MYBBP1A: variants seen among roughly 807,000 people sequenced by gnomAD.
The protein encoded by MYBBP1A is myb-binding protein 1A.
A neutral mutation model predicts 136.3 loss-of-function variants in MYBBP1A; 147 were observed. The observed-to-expected ratio is 1.08, with a 90% CI of 0.94 to 1.24. The LOEUF is 1.24. Ranked by LOEUF, MYBBP1A falls within the 50% of genes most tolerant of loss-of-function variation. The pLI, the probability that MYBBP1A is intolerant of heterozygous loss-of-function variation, is 0.00. For synonymous variants in MYBBP1A, 947 were observed against 735.8 expected (o/e 1.29, Z -4.65); for missense variants, 2,060 against 1,727.4 (o/e 1.19, Z -3.41).
At chr17:4,551,817 T>C (rs1907528935) in intron 8 of MYBBP1A, 63 bp downstream of exon 8, 1 of 1,474,534 alleles carries the variant, frequency 6.8e-7, no homozygotes, top group Non-Finnish European at 9.4e-7. Context: ...GCTCCCCTTT[T>C]TGGCAGGGAG....
At chr17:4,553,307 G>A (rs1416198596) in intron 5 of MYBBP1A, among the ~76,000 whole-genome samples, 1 of 152,170 alleles carries the variant, frequency 6.6e-6, no homozygotes. Flanking sequence ...TGACAAAAGG[G>A]CCTAGGGTGC....
rs1906621272 is a variant in MYBBP1A at position 4,543,105 on chromosome 17, C to T, written c.2700G>A (p.Leu900=). 3 of 1,612,822 alleles carry T rather than the reference C, an allele frequency of 1.9e-6. No homozygotes were observed. Among genetic ancestry groups the T allele is most frequent in the Non-Finnish European group, 2.5e-6 (3 of 1,179,758 alleles). The change falls in exon 20 of 26, where the codon CTG becomes CTA. Residue 900 remains leucine, a synonymous_variant. Coordinates refer to ENST00000254718, the MANE Select transcript of MYBBP1A (RefSeq NM_014520.4). ...CHDLGERAGA[L]HAQVERLVQQ... ...GCACCAACCGCTCCACCTGGGCGTG[C>T]AGGGCCCCTGCGCGCTCACCCAAGT...
chr17:4,552,250 C>T lies in MYBBP1A; in HGVS notation c.780G>A (p.Lys260=), dbSNP rs758734412. The change falls in exon 7 of 26, where the codon AAG becomes AAA. Residue 260 remains lysine (K), a synonymous_variant. Coordinates refer to ENST00000254718, the MANE Select transcript of MYBBP1A (RefSeq NM_014520.4). The surrounding 1 kb of genome is among the most constrained non-coding windows in gnomAD (Gnocchi z 4.7). The part of the protein sequence containing the change: ...VLKMAASSVK[K]DRKLPAIALD... ...GAGCAATGGCGGGCAGCTTGCGGTC[C>T]TTCTTCACAGAGGAGGCGGCCATCT... The T allele has an allele frequency of 9.9e-6, 16 of 1,614,100 alleles. No homozygotes were observed. Among genetic ancestry groups the T allele is most frequent in the East Asian group, 2.2e-5 (1 of 44,902 alleles).
In MYBBP1A at chr17:4,552,200, T is replaced by C. The variant is rs1907581466; in HGVS notation, c.830A>G (p.Lys277Arg). 1 of 1,614,234 alleles carries C rather than the reference T, an allele frequency of 6.2e-7. No homozygotes were observed. Among genetic ancestry groups the C allele is most frequent in the African/African-American group, 1.3e-5 (1 of 75,064 alleles). Reference protein sequence around the residue: ...IALDLLRLALKEDKFPRFWKE... With the variant: ...IALDLLRLALREDKFPRFWKE... ...CCAGAACCGTGGGAACTTGTCTTCCTTGAGTGCCAGGCGGAGCAGGTCCAG... is the reference window on the plus strand; with the variant it reads ...CCAGAACCGTGGGAACTTGTCTTCCCTGAGTGCCAGGCGGAGCAGGTCCAG... The change falls in exon 7 of 26, where the codon AAG becomes AGG. Residue 277 changes from lysine to arginine, a missense_variant. Physicochemically the swap from Lys to Arg is conservative, Grantham distance 26 (BLOSUM62 2). Coordinates refer to ENST00000254718, the MANE Select transcript of MYBBP1A (RefSeq NM_014520.4). This position sits in a 1 kb window ranked among gnomAD's most constrained non-coding sequence, Gnocchi z 4.7.
rs1334652979 is a variant in MYBBP1A, at chr17:4,545,882, CCA to C, written c.1883_1884del (p.Leu628ArgfsTer71). 1 of 1,613,404 alleles carries C rather than the reference CCA, an allele frequency of 6.2e-7. No homozygotes were observed. The highest frequency in any genetic ancestry group is 2.2e-5 in the East Asian group (1 of 44,878). ...GTGCGGCTCCGGCGGGGCTTCTCTCCCAGACTTTTCCTGATGCAGGTCTGGAT... is the reference window on the plus strand; with the variant it reads ...GTGCGGCTCCGGCGGGGCTTCTCTCCGACTTTTCCTGATGCAGGTCTGGAT... ...GDIQTCIRKS[L>X]GEKPRRSRTK... On this transcript the variant is annotated frameshift_variant, in exon 14 of 26. Transcript: ENST00000254718. LOFTEE classifies it high-confidence loss of function.
At chr17:4,547,139 G>C (rs1008720214) in intron 13 of MYBBP1A, among the ~76,000 whole-genome samples, 2 of 152,036 alleles carry the variant, frequency 1.3e-5, no homozygotes, top group Non-Finnish European at 1.5e-5. Flanking sequence ...TTGAACTCCT[G>C]ACCTCGTGAT....
In MYBBP1A at chr17:4,545,166, C is replaced by T. The variant is rs752859018; in HGVS notation, c.2170G>A (p.Glu724Lys). 10 of 1,613,336 alleles carry T rather than the reference C, an allele frequency of 6.2e-6. No homozygotes were observed. The highest frequency in any genetic ancestry group is 4.5e-5 in the East Asian group (2 of 44,874). Residue 724 changes from glutamate (E) to lysine (K), a missense_variant, in exon 17 of 26, where the codon GAG becomes AAG. Physicochemically the swap from Glu to Lys is moderately conservative, Grantham distance 56. Coordinates refer to ENST00000254718, the MANE Select transcript of MYBBP1A (RefSeq NM_014520.4). Reference sequence around the variant, plus strand: ...GAGCTTCTGTTGTCCTCACCTTCCTCGCTCTTGTCCTGTGTGGTAGAGGCA... The same window carrying T: ...GAGCTTCTGTTGTCCTCACCTTCCTTGCTCTTGTCCTGTGTGGTAGAGGCA... ...RRLKGAEDKS[E>K]EGEDNRSSES...
chr17:4,544,174 TGTC>T lies in MYBBP1A; in HGVS notation c.2639+312_2639+314del, dbSNP rs1870699596. On this transcript the variant is annotated intron_variant, in intron 19 of 25. Coordinates refer to ENST00000254718, the MANE Select transcript of MYBBP1A (RefSeq NM_014520.4). ...ACCCCAGCACAGCCCCACTTGAGAC[TGTC>T]AAGGGCAGGGATGGACCCCAGCTCC... 2.6e-5 allele frequency among the ~76,000 whole-genome samples: 4 copies of T among 150,980 alleles called. No homozygotes were observed. The South Asian group carries it at 8.3e-4, about 31-fold the overall frequency.
Position 4,538,938 on chromosome 17 carries a change from C to T in MYBBP1A, c.*477G>A, listed in dbSNP as rs1421667105. ...CTTCCTTCCGGAAGCCAAACTGCTC[C>T]TTTATTTTTTAGAGCTGCTGATTGT... On this transcript the variant is annotated 3_prime_UTR_variant, in exon 26 of 26. Transcript: ENST00000254718. 2 of 783,668 alleles carry T rather than the reference C, an allele frequency of 2.6e-6. No homozygotes were observed. Among genetic ancestry groups the T allele is most frequent in the South Asian group, 1.3e-5 (1 of 74,664 alleles). The allele number at this position is 783,668 out of a possible 1,614,324, so 48.5% of individuals were successfully genotyped here.
At position 4,545,348 on chromosome 17, in the gene MYBBP1A, G is replaced by GGGGA; in HGVS notation, c.2074-7_2074-4dup. Reference sequence around the variant, plus strand: ...TCACTGGTCTCGGGGTTCAGCACCTGGGGAGGGGTGCCAGCCACTGACCCA... The same window carrying GGGGA: ...TCACTGGTCTCGGGGTTCAGCACCTGGGGAGGGAGGGGTGCCAGCCACTGACCCA... On this transcript the variant is annotated splice_region_variant and splice_polypyrimidine_tract_variant and intron_variant, in intron 15 of 25. Coordinates refer to ENST00000254718, the MANE Select transcript of MYBBP1A (RefSeq NM_014520.4). 1 of 1,612,818 alleles carries GGGGA rather than the reference G, an allele frequency of 6.2e-7. No homozygotes were observed. The highest frequency in any genetic ancestry group is 8.5e-7 in the Non-Finnish European group (1 of 1,179,868).
In MYBBP1A at chr17:4,545,006, C is replaced by T. The variant is rs375252504; in HGVS notation, c.2310+20G>A. ...CCCGAGCCCTCCCCGGCCGCCCCCC[C>T]CTCCACCTCCCCCACTCACCAGCGC... is the stretch of plus-strand genomic sequence containing the variant. On this transcript the variant is annotated intron_variant, in intron 17 of 25. Transcript: ENST00000254718. 19 of 1,477,898 alleles carry T rather than the reference C, an allele frequency of 1.3e-5. No homozygotes were observed. The highest frequency in any genetic ancestry group is 2.5e-5 in the East Asian group (1 of 39,966). 91.5% of individuals were successfully genotyped at this position (1,477,898 alleles called of 1,614,324 possible). A position where few individuals can be genotyped will look rare whatever the true frequency, so the allele number is the denominator to read the frequency against.
rs536208507 is a variant in MYBBP1A at position 4,547,902 on chromosome 17, G to C, written c.1824+56C>G. On this transcript the variant is annotated intron_variant, in intron 13 of 25. Transcript: ENST00000254718. Reference sequence around the variant, plus strand: ...GCCCTCAAAAGCCTCTCGGTAGGGGGCCCATTGTGCCATAGAACCCCAGGC... The same window carrying C: ...GCCCTCAAAAGCCTCTCGGTAGGGGCCCCATTGTGCCATAGAACCCCAGGC... The C allele has an allele frequency of 1.6e-5, 22 of 1,348,194 alleles. No individual in the cohort carries two copies. In the East Asian group the frequency reaches 3.8e-4, roughly 24 times the overall value. The allele number at this position is 1,348,194 out of a possible 1,614,324, so 83.5% of individuals were successfully genotyped here.
chr17:4,548,559 G>A lies in MYBBP1A; in HGVS notation c.1521C>T (p.Asn507=), dbSNP rs551146234. The change falls in exon 11 of 26, where the codon AAC becomes AAT. Residue 507 remains asparagine (N), a synonymous_variant. Coordinates refer to ENST00000254718, the MANE Select transcript of MYBBP1A (RefSeq NM_014520.4). This position sits in a 1 kb window ranked among gnomAD's most constrained non-coding sequence, Gnocchi z 4.2. ...CACTGCTGACAGCCTCTCGGGCCTG[G>A]TTTTCCAAAGGGAAGGAGAACGGGT... ...TKHPFSFPLE[N]QAREAVSSAF... is the part of the protein sequence containing the mutation. The A allele has an allele frequency of 1.9e-6, 3 of 1,614,224 alleles. No homozygotes were observed. In the African/African-American group the frequency reaches 4.0e-5, roughly 22 times the overall value.
In MYBBP1A at chr17:4,539,384, G is replaced by T; in HGVS notation, c.*31C>A. 2 of 1,549,132 alleles carry T rather than the reference G, an allele frequency of 1.3e-6. No individual in the cohort carries two copies. Among genetic ancestry groups the T allele is most frequent in the Non-Finnish European group, 1.7e-6 (2 of 1,150,728 alleles). Reference sequence around the variant, plus strand: ...AAAATAGGCGTCTCAGGCAGATGGAGGCAGGGGCTGAGGGGGGCCCGTACC... The same window carrying T: ...AAAATAGGCGTCTCAGGCAGATGGATGCAGGGGCTGAGGGGGGCCCGTACC... On this transcript the variant is annotated 3_prime_UTR_variant, in exon 26 of 26. Coordinates refer to ENST00000254718, the MANE Select transcript of MYBBP1A (RefSeq NM_014520.4).
intron 8 of MYBBP1A, among the ~76,000 whole-genome samples, chr17:4,550,937 G>T (rs1907457183): frequency 6.6e-6 from 1 of 152,252 alleles, no homozygotes; most frequent in Admixed American, 6.5e-5. Flanking sequence ...AACACCTAGA[G>T]GTAACTTCTC....
chr17:4,544,704 G>C (rs776000525), intron 18 of MYBBP1A, 47 bp downstream of exon 18: 3 of 1,499,308 alleles, frequency 2.0e-6, no homozygotes, highest in African/African-American at 2.8e-5. Context: ...AGGCGGGGGT[G>C]GGCGCACAGG....
rs942810409 is a variant in MYBBP1A at position 4,550,356 on chromosome 17, G to A, written c.1024-3C>T. On this transcript the variant is annotated splice_region_variant and splice_polypyrimidine_tract_variant and intron_variant, in intron 8 of 25. Coordinates refer to ENST00000254718, the MANE Select transcript of MYBBP1A (RefSeq NM_014520.4). ...GCAAACTTGAACTGCTTTGGGAGCT[G>A]CAAGAGTTAGGCATGGCGCTGAGCC... 7 of 1,608,574 alleles carry A rather than the reference G, an allele frequency of 4.4e-6. 1 individual carries two copies. The highest frequency in any genetic ancestry group is 2.2e-5 in the East Asian group (1 of 44,866).
At chr17:4,544,996 G>GCCCCCCCCCCCCCC in intron 17 of MYBBP1A, 30 bp downstream of exon 17, 2 of 697,888 alleles carry the variant, frequency 2.9e-6, no homozygotes, top group Admixed American at 4.5e-5. Flanking sequence ...GCCCTCCCCG[G>GCCCCCCCCCCCCCC]CCGCCCCCCC....
At chr17:4,554,771 T>A in intron 2 of MYBBP1A, 90 bp downstream of exon 2, 1 of 1,294,080 alleles carries the variant, frequency 7.7e-7, no homozygotes, top group South Asian at 1.3e-5. Flanking sequence ...GGGCTGCCCC[T>A]CCGCCACAGC....
Sources: allele counts gnomAD v4.1 joint callset (sites outside exome capture counted in the v4.1 genomes callset), GRCh38; gene constraint gnomAD v4.1.1; non-coding constraint Gnocchi (gnomAD v3.1); transcripts MANE v1.5; gene names NCBI Gene and HGNC (gene_info 2026-07-23, HGNC 2026-07-21).